SV2C: variants seen among roughly 807,000 people sequenced by gnomAD.
SV2C encodes solute carrier family 22 member B3.
Under a neutral mutation model 79.7 loss-of-function variants are expected in SV2C, and 49 were observed. The ratio of observed to expected loss-of-function variants is 0.61; its 90% CI spans 0.49 to 0.78. The LOEUF (loss-of-function observed/expected upper bound fraction) is 0.78, where lower values mean the gene tolerates loss of function less well. SV2C is among the 30% of genes least tolerant of loss of function. The pLI is 0.00. For synonymous variants in SV2C, 334 were observed against 333.2 expected, an observed-to-expected ratio of 1.00 and a Z score of -0.03; for missense variants, 833 against 912.9, an observed-to-expected ratio of 0.91 and a Z score of 1.13.
At chr5:76,246,153 G>A (rs924255414) in intron 4 of SV2C, among the ~76,000 whole-genome samples, 1 of 151,570 alleles carries the variant, frequency 6.6e-6, no homozygotes, top group Non-Finnish European at 1.5e-5. Flanking sequence ...ATCACCATGT[G>A]GGAAAAAAAA....
intron 2 of SV2C, among the ~76,000 whole-genome samples, chr5:76,158,720 CTA>C (rs1319260115): frequency 6.6e-6 from 1 of 151,974 alleles, no homozygotes; most frequent in Non-Finnish European, 1.5e-5. Flanking sequence ...TCTCAGAACA[CTA>C]TGAATAATTA....
chr5:76,174,010 A>C, intron 2 of SV2C: 1 of 1,566,358 alleles, frequency 6.4e-7, no homozygotes, highest in Non-Finnish European at 8.8e-7. Flanking sequence ...CCGTTCCTGC[A>C]GTATCCAAGA....
chr5:76,231,581 T>TC (rs1745424592), intron 4 of SV2C, among the ~76,000 whole-genome samples: 1 of 131,890 alleles, frequency 7.6e-6, no homozygotes, highest in Non-Finnish European at 1.6e-5. Context: ...ATGCTATCCC[T>TC]CCCCGCTCCC....
intron 12 of SV2C, among the ~76,000 whole-genome samples, chr5:76,308,086 A>T (rs1748268896): frequency 6.6e-6 from 1 of 152,210 alleles, no homozygotes; most frequent in Non-Finnish European, 1.5e-5. Flanking sequence ...TATGACAAAC[A>T]GTTTCTGATT....
At chr5:75,855,221 A>G in the SV2C span, among the ~76,000 whole-genome samples, 2 of 152,170 alleles carry the variant, frequency 1.3e-5, no homozygotes, top group Admixed American at 1.3e-4. Context: ...TTGATCTTAC[A>G]CACATTTTGG....
At chr5:76,054,224 A>G in the SV2C span, among the ~76,000 whole-genome samples, 1 of 152,030 alleles carries the variant, frequency 6.6e-6, no homozygotes, top group African/African-American at 2.4e-5. Flanking sequence ...ACACCCACTT[A>G]TGAGTGAGAA....
At chr5:75,857,130 T>G in the SV2C span, among the ~76,000 whole-genome samples, 1 of 151,934 alleles carries the variant, frequency 6.6e-6, no homozygotes, top group Non-Finnish European at 1.5e-5. Flanking sequence ...GCTAATTTTT[T>G]GTATTTTTAG....
chr5:76,334,863 C>G (rs879331411), downstream of SV2C, among the ~76,000 whole-genome samples: 4 of 152,162 alleles, frequency 2.6e-5, no homozygotes, highest in African/African-American at 4.8e-5. Context: ...GGGGCCCAGT[C>G]TCTCCTGAAG....
chr5:76,011,160 T>C, the SV2C span, among the ~76,000 whole-genome samples: 1 of 152,220 alleles, frequency 6.6e-6, no homozygotes, highest in Non-Finnish European at 1.5e-5. Context: ...AGGTTCTATG[T>C]AGATACACCA....
At chr5:76,187,222 G>A (rs773534230) in intron 2 of SV2C, among the ~76,000 whole-genome samples, 20 of 152,220 alleles carry the variant, frequency 1.3e-4, no homozygotes, top group Non-Finnish European at 2.4e-4. Flanking sequence ...TGATGGGCAT[G>A]CTGTACAACA....
intron 2 of SV2C, among the ~76,000 whole-genome samples, chr5:76,132,841 T>A (rs1200278718): frequency 6.6e-6 from 1 of 152,070 alleles, no homozygotes; most frequent in East Asian, 1.9e-4. Context: ...ATTATCTATG[T>A]GTATGTTTGC....
chr5:76,321,806 A>G (rs1748838892), intron 12 of SV2C, among the ~76,000 whole-genome samples: 1 of 152,134 alleles, frequency 6.6e-6, no homozygotes, highest in South Asian at 2.1e-4. Flanking sequence ...TGTGTACTAA[A>G]GATAATAATT....
chr5:75,878,539 A>C, the SV2C span, among the ~76,000 whole-genome samples: 4 of 152,146 alleles, frequency 2.6e-5, no homozygotes, highest in African/African-American at 9.7e-5. Flanking sequence ...TTAAAACCCC[A>C]AAATAAACTG....
At chr5:75,847,926 C>A in the SV2C span, among the ~76,000 whole-genome samples, 1 of 152,192 alleles carries the variant, frequency 6.6e-6, no homozygotes, top group South Asian at 2.1e-4. Flanking sequence ...CAGGTACGAT[C>A]TAGAACAACA....
chr5:76,256,690 C>T (rs1266997481), intron 4 of SV2C, among the ~76,000 whole-genome samples: 1 of 152,192 alleles, frequency 6.6e-6, no homozygotes, highest in Non-Finnish European at 1.5e-5. Flanking sequence ...TGAAAGAGAG[C>T]AGTTTCCAGG....
chr5:76,268,617 A>G (rs2112469073), intron 4 of SV2C, among the ~76,000 whole-genome samples: 1 of 152,350 alleles, frequency 6.6e-6, no homozygotes, highest in East Asian at 1.9e-4. Flanking sequence ...CAAGAACGCA[A>G]ACGCTTTAGG....
chr5:75,919,580 T>C, the SV2C span, among the ~76,000 whole-genome samples: 1 of 152,220 alleles, frequency 6.6e-6, no homozygotes, highest in South Asian at 2.1e-4. Context: ...CACCTAGCTG[T>C]CTGCAACAAT....
At chr5:76,275,486 C>CAAAAAA (rs113061927) in intron 4 of SV2C, among the ~76,000 whole-genome samples, 1 of 118,114 alleles carries the variant, frequency 8.5e-6, no homozygotes. Context: ...AAGTCTGTCT[C>CAAAAAA]AAAAAAAAAA....
chr5:76,020,335 T>C, the SV2C span, among the ~76,000 whole-genome samples: 1 of 152,190 alleles, frequency 6.6e-6, no homozygotes, highest in South Asian at 2.1e-4. Flanking sequence ...AATTTCATCA[T>C]TGCTATGGAC....
Sources: allele counts gnomAD v4.1 joint callset (sites outside exome capture counted in the v4.1 genomes callset), GRCh38; gene constraint gnomAD v4.1.1; transcripts MANE v1.5; gene names NCBI Gene and HGNC (gene_info 2026-07-23, HGNC 2026-07-21).